Variants in CCDC171 observed in about 807,000 individuals in gnomAD.
CCDC171 encodes the protein coiled-coil domain containing 171, also known as coiled-coil domain-containing protein 171.
CCDC171 carries 177 observed loss-of-function variants against 168.2 expected under a neutral mutation model. The ratio of observed to expected loss-of-function variants is 1.05; its 90% CI spans 0.93 to 1.19. CCDC171 has a LOEUF of 1.19. Ranked by LOEUF, CCDC171 falls within the 50% of genes most tolerant of loss-of-function variation. CCDC171 has a pLI of 0.00. For synonymous variants in CCDC171, 687 were observed against 540.8 expected, an observed-to-expected ratio of 1.27 and a Z score of -3.75; for missense variants, 1,991 against 1,539.0, an observed-to-expected ratio of 1.29 and a Z score of -4.91.
chr9:15,929,392 T>C (rs1826244951), intron 25 of CCDC171, among the ~76,000 whole-genome samples: 1 of 151,772 alleles, frequency 6.6e-6, no homozygotes, highest in Admixed American at 6.6e-5. Flanking sequence ...ACTTTGATTT[T>C]CTGCAAAAGC....
intron 7 of CCDC171, among the ~76,000 whole-genome samples, chr9:15,650,750 A>T (rs776863285): frequency 6.6e-6 from 1 of 152,118 alleles, no homozygotes; most frequent in Non-Finnish European, 1.5e-5. Context: ...CATAAAATTT[A>T]TATATATTTA....
downstream of CCDC171, among the ~76,000 whole-genome samples, chr9:15,978,933 T>C (rs1375803442): frequency 6.6e-6 from 1 of 152,194 alleles, no homozygotes; most frequent in African/African-American, 2.4e-5. Flanking sequence ...CATAATCTAC[T>C]TTCTATCTCT....
At chr9:15,968,900 A>T (rs1564086229) in intron 25 of CCDC171, among the ~76,000 whole-genome samples, 2 of 152,106 alleles carry the variant, frequency 1.3e-5, no homozygotes, top group Non-Finnish European at 2.9e-5. Context: ...TTCATGAAAA[A>T]AGTTTTTTTC....
intron 11 of CCDC171, among the ~76,000 whole-genome samples, chr9:15,714,549 C>G (rs1382113297): frequency 6.6e-6 from 1 of 151,800 alleles, no homozygotes; most frequent in Non-Finnish European, 1.5e-5. Flanking sequence ...AATGGCAGTT[C>G]AGATCCAGTG....
intron 21 of CCDC171, among the ~76,000 whole-genome samples, chr9:15,838,666 A>G (rs2060551379): frequency 6.6e-6 from 1 of 152,182 alleles, no homozygotes; most frequent in South Asian, 2.1e-4. Context: ...TCCTGGCCTC[A>G]AGCAATCTGC....
intron 1 of CCDC171, among the ~76,000 whole-genome samples, chr9:15,557,525 T>C (rs1336172310): frequency 6.6e-6 from 1 of 152,206 alleles, no homozygotes; most frequent in African/African-American, 2.4e-5. Flanking sequence ...AATTCACTCA[T>C]GATTTGGCTT....
At chr9:16,084,684 C>G in the CCDC171 span, among the ~76,000 whole-genome samples, 5 of 152,124 alleles carry the variant, frequency 3.3e-5, no homozygotes, top group African/African-American at 1.2e-4. Flanking sequence ...GCCATGGGGG[C>G]CCCCAGGAAG....
chr9:15,808,443 CAA>C (rs1161934626), intron 21 of CCDC171, among the ~76,000 whole-genome samples: 1 of 152,094 alleles, frequency 6.6e-6, no homozygotes, highest in Non-Finnish European at 1.5e-5. Flanking sequence ...AGAGTCCAAA[CAA>C]GAGTACTTTT....
intron 2 of CCDC171, among the ~76,000 whole-genome samples, chr9:15,570,236 G>A (rs1451739257): frequency 6.6e-6 from 1 of 151,844 alleles, no homozygotes; most frequent in Non-Finnish European, 1.5e-5. Flanking sequence ...CTCCCAAAGT[G>A]CTTGGAGGCC....
At chr9:15,909,215 T>G (rs757239602) in intron 24 of CCDC171, among the ~76,000 whole-genome samples, 1 of 152,220 alleles carries the variant, frequency 6.6e-6, no homozygotes, top group Non-Finnish European at 1.5e-5. Flanking sequence ...TCCTACCTGT[T>G]TATGCTGAGC....
chr9:15,655,579 G>T (rs1045315206), intron 7 of CCDC171, among the ~76,000 whole-genome samples: 1 of 152,184 alleles, frequency 6.6e-6, no homozygotes, highest in African/African-American at 2.4e-5. Flanking sequence ...ATAATGAAAA[G>T]TTTTGGTTTG....
At chr9:15,798,103 C>G (rs1293240703) in intron 21 of CCDC171, among the ~76,000 whole-genome samples, 1 of 152,000 alleles carries the variant, frequency 6.6e-6, no homozygotes, top group Non-Finnish European at 1.5e-5. Context: ...TTTAACTTTG[C>G]TCTTTTTTTG....
the CCDC171 span, among the ~76,000 whole-genome samples, chr9:16,101,407 G>T: frequency 6.6e-6 from 1 of 152,334 alleles, no homozygotes; most frequent in East Asian, 1.9e-4. Flanking sequence ...AGAATTCTGA[G>T]ATGCTCCCCA....
intron 21 of CCDC171, among the ~76,000 whole-genome samples, chr9:15,799,613 C>G (rs143212929): frequency 6.6e-6 from 1 of 151,880 alleles, no homozygotes; most frequent in Non-Finnish European, 1.5e-5. Context: ...CTTTGTGTTG[C>G]GAACAATCCA....
chr9:16,013,086 C>G (rs1232939254), intron 3 of CCDC171, among the ~76,000 whole-genome samples: 1 of 152,198 alleles, frequency 6.6e-6, no homozygotes, highest in Non-Finnish European at 1.5e-5. Context: ...CCCCAACTCT[C>G]TTCCTTCACA....
At chr9:15,718,192 C>G (rs903466179) in intron 11 of CCDC171, among the ~76,000 whole-genome samples, 6 of 152,184 alleles carry the variant, frequency 3.9e-5, no homozygotes, top group African/African-American at 9.7e-5. Flanking sequence ...TGGCAGTAGC[C>G]TGGAAGTACT....
At chr9:15,626,286 C>G (rs1471097558) in intron 7 of CCDC171, among the ~76,000 whole-genome samples, 2 of 152,144 alleles carry the variant, frequency 1.3e-5, no homozygotes, top group Non-Finnish European at 2.9e-5. Flanking sequence ...TCCTCTTTTC[C>G]TCATTGAATA....
At chr9:15,606,352 C>T (rs1473546909) in intron 6 of CCDC171, among the ~76,000 whole-genome samples, 4 of 152,138 alleles carry the variant, frequency 2.6e-5, no homozygotes, top group South Asian at 4.1e-4. Flanking sequence ...AATGATTCTT[C>T]GTGTAAATGC....
At chr9:15,838,275 A>G (rs993045420) in intron 21 of CCDC171, among the ~76,000 whole-genome samples, 1 of 152,226 alleles carries the variant, frequency 6.6e-6, no homozygotes, top group Non-Finnish European at 1.5e-5. Flanking sequence ...TTTTTAACAT[A>G]GTATATCATT....
Sources: gnomAD v4.1 joint callset for allele counts (sites outside exome capture counted in the v4.1 genomes callset) on GRCh38, gnomAD v4.1.1 for gene constraint, MANE v1.5 for transcripts, NCBI Gene and HGNC (gene_info 2026-07-23, HGNC 2026-07-21) for gene names.